GTF2I: variants seen among roughly 807,000 people sequenced by gnomAD.
GTF2I encodes general transcription factor II-I.
In GTF2I, 12 loss-of-function variants were observed where a neutral mutation model predicts 67.6. The ratio of observed to expected loss-of-function variants is 0.18; its 90% CI spans 0.11 to 0.29. The LOEUF (loss-of-function observed/expected upper bound fraction) is 0.29, where lower values mean the gene tolerates loss of function less well. Ranked by LOEUF, GTF2I falls within the 10% of genes least tolerant of loss-of-function variation. The pLI is 1.00. For missense variants in GTF2I, 271 were observed against 580.1 expected, an observed-to-expected ratio of 0.47 and a Z score of 5.47; for synonymous variants, 149 against 197.0, an observed-to-expected ratio of 0.76 and a Z score of 2.04.
Position 74,691,552 on chromosome 7 carries a change from A to T in GTF2I, c.238+441A>T, listed in dbSNP as rs587660070. 6.6e-5 allele frequency among the ~76,000 whole-genome samples: 10 copies of T among 152,342 alleles called. No individual in the cohort carries two copies. The South Asian group carries it at 2.1e-3, about 32-fold the overall frequency. ...AACAGAATGAGGTTTAAACTAAAAAAGATTTTCTGAAATGTTTATGGAGAC... is the reference window on the plus strand; with the variant it reads ...AACAGAATGAGGTTTAAACTAAAAATGATTTTCTGAAATGTTTATGGAGAC... On this transcript the variant is annotated intron_variant, in intron 3 of 34. Transcript: ENST00000573035.
intron 1 of GTF2I, among the ~76,000 whole-genome samples, chr7:74,666,581 G>T (rs1316431851): frequency 6.6e-6 from 1 of 151,808 alleles, no homozygotes; most frequent in Non-Finnish European, 1.5e-5. Context: ...GCTCACTCCT[G>T]TACTCCCAGC....
intron 1 of GTF2I, among the ~76,000 whole-genome samples, chr7:74,682,830 A>G (rs1787382048): frequency 6.6e-6 from 1 of 152,214 alleles, no homozygotes; most frequent in African/African-American, 2.4e-5. Flanking sequence ...CTTAGAGAGT[A>G]GGAAACTATA....
At chr7:74,680,099 A>AAAAAAAAAAAAAATATATAT in intron 1 of GTF2I, among the ~76,000 whole-genome samples, 1 of 94,994 alleles carries the variant, frequency 1.1e-5, no homozygotes, top group Non-Finnish European at 2.1e-5. Flanking sequence ...AAAAAAAAAA[A>AAAAAAAAAAAAAATATATAT]ATATATATAT....
chr7:74,732,405 C>T, intron 14 of GTF2I, 74 bp from the exon 15 acceptor site: 1 of 1,329,008 alleles, frequency 7.5e-7, no homozygotes. Context: ...AAGAGCACTA[C>T]AGATTCAATG....
chr7:74,660,490 C>A (rs1410871118), intron 1 of GTF2I, among the ~76,000 whole-genome samples: 2 of 152,178 alleles, frequency 1.3e-5, no homozygotes, highest in African/African-American at 4.8e-5. Flanking sequence ...CCGCTCCCGG[C>A]CTGTGGTCTT....
At chr7:74,700,949 G>A (rs1470208883) in intron 6 of GTF2I, among the ~76,000 whole-genome samples, 1 of 152,230 alleles carries the variant, frequency 6.6e-6, no homozygotes, top group Non-Finnish European at 1.5e-5. Context: ...ACAGCATTGG[G>A]TGGGGAGGGG....
At chr7:74,669,568 C>G (rs1455236286) in intron 1 of GTF2I, among the ~76,000 whole-genome samples, 3 of 151,682 alleles carry the variant, frequency 2.0e-5, no homozygotes, top group African/African-American at 7.3e-5. Flanking sequence ...CAGTGTCTCC[C>G]TCTGTTGCCC....
chr7:74,680,099 A>AAAAAAAAAATATAT, intron 1 of GTF2I, among the ~76,000 whole-genome samples: 4 of 94,994 alleles, frequency 4.2e-5, no homozygotes, highest in African/African-American at 1.6e-4. Flanking sequence ...AAAAAAAAAA[A>AAAAAAAAAATATAT]ATATATATAT....
intron 9 of GTF2I, among the ~76,000 whole-genome samples, chr7:74,713,139 T>C (rs1162161591): frequency 6.6e-6 from 1 of 151,034 alleles, no homozygotes; most frequent in Admixed American, 6.7e-5. Context: ...TTTGAAAGTA[T>C]AGTGATACGT....
chr7:74,725,355 G>A (rs1793618183), intron 12 of GTF2I, among the ~76,000 whole-genome samples: 1 of 151,972 alleles, frequency 6.6e-6, no homozygotes, highest in South Asian at 2.1e-4. Flanking sequence ...TATGAAACAG[G>A]GTTTTTAAAA....
intron 1 of GTF2I, among the ~76,000 whole-genome samples, chr7:74,676,486 C>G (rs1805918629): frequency 6.6e-6 from 1 of 151,826 alleles, no homozygotes; most frequent in Non-Finnish European, 1.5e-5. Flanking sequence ...AAAACCCTAG[C>G]AAAGCACATT....
chr7:74,669,227 T>G (rs1373663880), intron 1 of GTF2I, among the ~76,000 whole-genome samples: 2 of 17,558 alleles, frequency 1.1e-4, no homozygotes, highest in Admixed American at 7.9e-4. Context: ...TAGTTTAGTT[T>G]TTTTTTTTTT....
intron 1 of GTF2I, among the ~76,000 whole-genome samples, chr7:74,677,461 A>G (rs1805998410): frequency 6.6e-6 from 1 of 152,130 alleles, no homozygotes; most frequent in Admixed American, 6.6e-5. Flanking sequence ...TGATGATGCC[A>G]TTAGTCATTT....
intron 14 of GTF2I, among the ~76,000 whole-genome samples, chr7:74,731,605 C>T (rs1794487145): frequency 6.7e-6 from 1 of 149,572 alleles, no homozygotes; most frequent in Non-Finnish European, 1.5e-5. Context: ...TCTGGAGTGG[C>T]ACGATCTTGG....
intron 1 of GTF2I, among the ~76,000 whole-genome samples, chr7:74,667,114 C>T (rs1036024111): frequency 3.3e-5 from 5 of 152,188 alleles, no homozygotes; most frequent in Non-Finnish European, 7.3e-5. Context: ...CATTCCACTC[C>T]AGCCTGGGCC....
intron 9 of GTF2I, 34 bp from the exon 10 acceptor site, chr7:74,714,823 A>G (rs782646092): frequency 2.7e-6 from 4 of 1,457,822 alleles, no homozygotes; most frequent in African/African-American, 1.5e-5. Context: ...TTTGGGGGGG[A>G]TTACTTTTGA....
intron 1 of GTF2I, among the ~76,000 whole-genome samples, chr7:74,660,927 G>A (rs906732488): frequency 6.6e-6 from 1 of 152,128 alleles, no homozygotes; most frequent in Non-Finnish European, 1.5e-5. Context: ...GTGCCTTGCC[G>A]GTGGTAGCAA....
chr7:74,705,137 AC>A, intron 6 of GTF2I, 26 bp from the exon 7 acceptor site: 1 of 1,455,734 alleles, frequency 6.9e-7, no homozygotes, highest in Non-Finnish European at 9.6e-7. Context: ...TGAAAAACTA[AC>A]TCCAATTTTT....
At chr7:74,689,345 TTAC>T in intron 2 of GTF2I, 118 bp downstream of exon 2, 1 of 449,862 alleles carries the variant, frequency 2.2e-6, no homozygotes, top group Non-Finnish European at 3.9e-6. Context: ...TACTTTTTCT[TTAC>T]TTTTTTTTTT....
Sources: allele counts gnomAD v4.1 joint callset (sites outside exome capture counted in the v4.1 genomes callset), GRCh38; gene constraint gnomAD v4.1.1; transcripts MANE v1.5; gene names NCBI Gene and HGNC (gene_info 2026-07-23, HGNC 2026-07-21).